RUNDC3B: variants seen among roughly 807,000 people sequenced by gnomAD.
The protein encoded by RUNDC3B is RUN domain containing 3B, also known as RUN domain-containing protein 3B.
In RUNDC3B, 33 loss-of-function variants were observed where a neutral mutation model predicts 58.4. The observed-to-expected ratio is 0.56, with a 90% confidence interval of 0.43 to 0.75. The LOEUF (loss-of-function observed/expected upper bound fraction) is 0.75, where lower values mean the gene tolerates loss of function less well. RUNDC3B is among the 30% of genes least tolerant of loss of function. The pLI is 0.00. For missense variants in RUNDC3B, 501 were observed against 535.7 expected (o/e 0.94, Z 0.64); for synonymous variants, 193 against 195.2 (o/e 0.99, Z 0.10).
chr7:87,632,454 A>T (rs1017401080), intron 1 of RUNDC3B, among the ~76,000 whole-genome samples: 5 of 152,156 alleles, frequency 3.3e-5, no homozygotes, highest in African/African-American at 1.2e-4. Context: ...TCCTTATTTC[A>T]TCAGATAAGT....
At chr7:87,727,641 C>T (rs1584022438) in intron 4 of RUNDC3B, among the ~76,000 whole-genome samples, 2 of 152,076 alleles carry the variant, frequency 1.3e-5, no homozygotes, top group South Asian at 4.1e-4. Flanking sequence ...AAAAAATCTG[C>T]AATACTATTT....
chr7:87,693,465 T>A (rs905920180), intron 2 of RUNDC3B, among the ~76,000 whole-genome samples: 8 of 152,218 alleles, frequency 5.3e-5, no homozygotes, highest in Non-Finnish European at 1.2e-4. Context: ...ATTTTTAAAC[T>A]TGGAAATTTT....
chr7:87,818,427 A>G (rs534058058), intron 10 of RUNDC3B, among the ~76,000 whole-genome samples: 2 of 152,350 alleles, frequency 1.3e-5, no homozygotes, highest in East Asian at 3.9e-4. Flanking sequence ...ACTGGTGATC[A>G]GGAAGGAAAC....
At chr7:87,795,762 G>A (rs1034479056) in intron 8 of RUNDC3B, among the ~76,000 whole-genome samples, 4 of 151,604 alleles carry the variant, frequency 2.6e-5, no homozygotes, top group East Asian at 1.9e-4. Context: ...GGTGGCGGAC[G>A]CCTGTAGTCC....
chr7:87,644,845 C>T (rs1012608731), intron 1 of RUNDC3B, among the ~76,000 whole-genome samples: 6 of 151,570 alleles, frequency 4.0e-5, no homozygotes, highest in Admixed American at 6.6e-5. Flanking sequence ...AAACTATAGA[C>T]ATTAAAGAAA....
intron 4 of RUNDC3B, among the ~76,000 whole-genome samples, chr7:87,725,945 T>C (rs1161447503): frequency 6.6e-6 from 1 of 152,226 alleles, no homozygotes; most frequent in African/African-American, 2.4e-5. Context: ...GTTGTTTATT[T>C]TTTTCTTGTA....
intron 8 of RUNDC3B, among the ~76,000 whole-genome samples, chr7:87,781,964 A>G (rs1834947861): frequency 6.6e-6 from 1 of 151,414 alleles, no homozygotes; most frequent in Admixed American, 6.6e-5. Context: ...TTTGTCTTTC[A>G]TTTTGGTATC....
chr7:87,739,970 G>A, intron 5 of RUNDC3B, 90 bp downstream of exon 5: 1 of 544,720 alleles, frequency 1.8e-6, no homozygotes. Flanking sequence ...TCTAAGTAAA[G>A]CACACAGTTG....
intron 8 of RUNDC3B, among the ~76,000 whole-genome samples, chr7:87,791,820 A>G (rs1835536058): frequency 6.6e-6 from 1 of 152,100 alleles, no homozygotes; most frequent in East Asian, 1.9e-4. Flanking sequence ...AAAAGACCAC[A>G]AAGCAACCAG....
chr7:87,785,376 TG>T (rs1433003527), intron 8 of RUNDC3B, among the ~76,000 whole-genome samples: 1 of 151,932 alleles, frequency 6.6e-6, no homozygotes, highest in Non-Finnish European at 1.5e-5. Context: ...GTGTTCTGAG[TG>T]GGGGCTCCCT....
At chr7:87,782,143 G>C (rs1048214650) in intron 8 of RUNDC3B, among the ~76,000 whole-genome samples, 1 of 151,618 alleles carries the variant, frequency 6.6e-6, no homozygotes, top group African/African-American at 2.4e-5. Flanking sequence ...TCTTATTACT[G>C]TTTTAGAGCT....
At chr7:87,636,244 C>T (rs1467569496) in intron 1 of RUNDC3B, among the ~76,000 whole-genome samples, 1 of 152,094 alleles carries the variant, frequency 6.6e-6, no homozygotes, top group Non-Finnish European at 1.5e-5. Flanking sequence ...TAATGCTTGA[C>T]ATTTTCTTTC....
chr7:87,725,406 C>T (rs1053695655), intron 4 of RUNDC3B, among the ~76,000 whole-genome samples: 21 of 152,208 alleles, frequency 1.4e-4, no homozygotes, highest in Non-Finnish European at 2.6e-4. Flanking sequence ...CATGTCCCTA[C>T]AAAGGACATG....
Position 87,777,925 on chromosome 7 carries a change from A to C in RUNDC3B, c.926A>C (p.Glu309Ala). ...LAHKLEKEQLEYIIVELQDQL... is the reference protein window; with the variant it reads ...LAHKLEKEQLAYIIVELQDQL... Reference sequence around the variant, plus strand: ...CATAAACTGGAGAAGGAACAATTAGAATATATAATTGTGGAGCTTCAAGAT... The same window carrying C: ...CATAAACTGGAGAAGGAACAATTAGCATATATAATTGTGGAGCTTCAAGAT... The change falls in exon 8 of 11, where the codon GAA becomes GCA. Residue 309 changes from glutamate (E) to alanine (A), a missense_variant. Glu to Ala is a moderately radical substitution (Grantham distance 107, BLOSUM62 -1). Transcript: ENST00000394654. 1 of 1,613,610 alleles carries C rather than the reference A, an allele frequency of 6.2e-7. No individual in the cohort carries two copies. The highest frequency in any genetic ancestry group is 8.5e-7 in the Non-Finnish European group (1 of 1,179,718).
In RUNDC3B at chr7:87,807,599, T is replaced by G. The variant is rs1836505763; in HGVS notation, c.1103+80T>G. The G allele has an allele frequency of 3.0e-6, 3 of 1,013,350 alleles. No individual in the cohort carries two copies. In the Admixed American group the frequency reaches 5.8e-5, roughly 20 times the overall value. 62.8% of individuals were successfully genotyped at this position (1,013,350 alleles called of 1,614,324 possible). ...ATGGCTATCTACTTTGGTTTCTCAG[T>G]TATTCTTTCTGAACTTATTATTATC... On this transcript the variant is annotated intron_variant, in intron 9 of 10. Coordinates refer to ENST00000394654, the MANE Select transcript of RUNDC3B (RefSeq NM_001134405.2).
chr7:87,828,123 A>G (rs1837931564), intron 10 of RUNDC3B, among the ~76,000 whole-genome samples: 1 of 152,266 alleles, frequency 6.6e-6, no homozygotes, highest in South Asian at 2.1e-4. Flanking sequence ...GTATAAACCC[A>G]TCAAACAACT....
intron 5 of RUNDC3B, among the ~76,000 whole-genome samples, chr7:87,740,672 T>C (rs1192310836): frequency 6.6e-6 from 1 of 152,226 alleles, no homozygotes; most frequent in Non-Finnish European, 1.5e-5. Context: ...ACTGAAGTTA[T>C]CTTTTATAGT....
At chr7:87,763,726 T>C (rs1326650592) in intron 6 of RUNDC3B, among the ~76,000 whole-genome samples, 2 of 151,770 alleles carry the variant, frequency 1.3e-5, no homozygotes, top group Non-Finnish European at 3.0e-5. Flanking sequence ...AACTTTATTA[T>C]CAGCCATTAA....
chr7:87,743,529 A>T (rs1341448351), intron 6 of RUNDC3B, among the ~76,000 whole-genome samples: 1 of 152,150 alleles, frequency 6.6e-6, no homozygotes, highest in East Asian at 1.9e-4. Context: ...GTAAGGTGGT[A>T]TCACATTGTT....
Sources: allele counts gnomAD v4.1 joint callset (sites outside exome capture counted in the v4.1 genomes callset), GRCh38; gene constraint gnomAD v4.1.1; transcripts MANE v1.5; gene names NCBI Gene and HGNC (gene_info 2026-07-23, HGNC 2026-07-21).